The following CNIH3 variants were observed in gnomAD, a reference collection of about 807,000 sequenced individuals.
CNIH3 encodes the protein cornichon family AMPA receptor auxiliary protein 3, also known as protein cornichon homolog 3.
In CNIH3, 14 loss-of-function variants were observed where a neutral mutation model predicts 24.1. The ratio of observed to expected loss-of-function variants is 0.58; its 90% CI spans 0.38 to 0.91. CNIH3 has a LOEUF of 0.91. Ranked by LOEUF, CNIH3 falls within the 40% of genes least tolerant of loss-of-function variation. The pLI, the probability that CNIH3 is intolerant of heterozygous loss-of-function variation, is 0.00. For missense variants in CNIH3, 178 were observed against 196.8 expected (o/e 0.90, Z 0.57); for synonymous variants, 68 against 73.8 (o/e 0.92, Z 0.40).
At position 224,578,042 on chromosome 1, in the gene CNIH3, TAAA is replaced by T. The variant is rs1313355985; in HGVS notation, n.517-5118_517-5116del. Among the ~76,000 whole-genome samples, 4 of 151,984 alleles carry T rather than the reference TAAA, an allele frequency of 2.6e-5. No homozygotes were observed. In the South Asian group the frequency reaches 8.3e-4, roughly 32 times the overall value. On this transcript the variant is annotated intron_variant and non_coding_transcript_variant, in intron 4 of 5. Transcript: ENST00000471578. ...GGAAGGGTGGGAGGGAGGCAAAGGA[TAAA>T]AAACTGCATATTGGGTACAGTGTAC...
At chr1:224,673,418 G>T (rs1035725153) in intron 1 of CNIH3, among the ~76,000 whole-genome samples, 1 of 152,232 alleles carries the variant, frequency 6.6e-6, no homozygotes, top group Middle Eastern at 3.4e-3. Context: ...GGCTTCCCCT[G>T]TGCAGGCCTT....
At chr1:224,645,533 C>T (rs780567902) in intron 1 of CNIH3, among the ~76,000 whole-genome samples, 2 of 152,358 alleles carry the variant, frequency 1.3e-5, no homozygotes, top group Non-Finnish European at 2.9e-5. Context: ...CTCCCCATCA[C>T]GTGGTGACAC....
At chr1:224,699,251 C>A (rs541063059) in intron 3 of CNIH3, among the ~76,000 whole-genome samples, 1 of 152,324 alleles carries the variant, frequency 6.6e-6, no homozygotes, top group South Asian at 2.1e-4. Context: ...CTGATTCTCA[C>A]CCTCCAAGTC....
intron 2 of CNIH3, among the ~76,000 whole-genome samples, chr1:224,682,267 C>G (rs990846238): frequency 6.6e-6 from 1 of 152,154 alleles, no homozygotes; most frequent in South Asian, 2.1e-4. Context: ...ATGAGACAGG[C>G]ATCATTAACC....
intron 5 of CNIH3, among the ~76,000 whole-genome samples, chr1:224,737,857 C>A (rs1408388568): frequency 6.6e-6 from 1 of 152,172 alleles, no homozygotes; most frequent in Non-Finnish European, 1.5e-5. Flanking sequence ...CCTTGTGGAC[C>A]AGGTGATATT....
At chr1:224,442,788 C>G (rs1674975476) in intron 1 of CNIH3, among the ~76,000 whole-genome samples, 3 of 152,198 alleles carry the variant, frequency 2.0e-5, no homozygotes, top group Admixed American at 6.5e-5. Context: ...TTCTCAACAC[C>G]TTCATTACAT....
In CNIH3 at chr1:224,544,008, C is replaced by T. The variant is rs531330988; in HGVS notation, n.340-2821C>T. On this transcript the variant is annotated intron_variant and non_coding_transcript_variant, in intron 2 of 5. Coordinates refer to the CNIH3 transcript ENST00000471578. ...GGTCTGTTCATTATAATTCTGCAAC[C>T]TACAGGATCAGATTCTAGGTCTGTC... is the stretch of plus-strand genomic sequence containing the variant. Among the ~76,000 whole-genome samples the T allele has an allele frequency of 2.6e-5, 4 of 152,204 alleles. No individual in the cohort carries two copies. The East Asian group carries it at 7.7e-4, about 29-fold the overall frequency.
chr1:224,492,300 C>T (rs906109401), intron 1 of CNIH3, among the ~76,000 whole-genome samples: 12 of 152,222 alleles, frequency 7.9e-5, no homozygotes, highest in African/African-American at 2.9e-4. Flanking sequence ...CGACACATTA[C>T]TGTGTGTAGG....
At chr1:224,620,199 T>G (rs920870757) in intron 1 of CNIH3, among the ~76,000 whole-genome samples, 2 of 152,270 alleles carry the variant, frequency 1.3e-5, no homozygotes, top group African/African-American at 4.8e-5. Context: ...GTTTTTTCTG[T>G]GGCTTTGCAT....
chr1:224,574,709 C>G, intron 4 of CNIH3: 1 of 1,197,130 alleles, frequency 8.4e-7, no homozygotes, highest in South Asian at 1.2e-5. Context: ...TGAAAGGAGC[C>G]TGCCAGAAGA....
chr1:224,683,562 T>G (rs1572716305), intron 2 of CNIH3, among the ~76,000 whole-genome samples: 1 of 152,214 alleles, frequency 6.6e-6, no homozygotes, highest in Non-Finnish European at 1.5e-5. Flanking sequence ...TAATTGCTGA[T>G]CCATATGATG....
chr1:224,523,132 G>A (rs1202252810), intron 2 of CNIH3, among the ~76,000 whole-genome samples: 4 of 152,060 alleles, frequency 2.6e-5, no homozygotes, highest in African/African-American at 9.7e-5. Flanking sequence ...CTAGCTACTT[G>A]GGAGGCTGAG....
At chr1:224,451,508 A>G (rs1447121135) in intron 1 of CNIH3, among the ~76,000 whole-genome samples, 1 of 152,194 alleles carries the variant, frequency 6.6e-6, no homozygotes, top group Non-Finnish European at 1.5e-5. Flanking sequence ...TGTCTAGACA[A>G]TGTAATAGAG....
At chr1:224,550,084 G>GATATTATAGAATGTC (rs1679854342) in intron 3 of CNIH3, among the ~76,000 whole-genome samples, 2 of 151,938 alleles carry the variant, frequency 1.3e-5, no homozygotes, top group African/African-American at 4.8e-5. Context: ...GTCACAGTGT[G>GATATTATAGAATGTC]ACAACTGTAG....
At chr1:224,538,462 T>C (rs963326597), downstream of CNIH3, among the ~76,000 whole-genome samples, 10 of 152,142 alleles carry the variant, frequency 6.6e-5, no homozygotes, top group African/African-American at 2.4e-4. Context: ...TCCTTTGATG[T>C]GGTCGTAGCA....
chr1:224,700,122 C>T (rs1687402708), intron 3 of CNIH3, among the ~76,000 whole-genome samples: 2 of 152,148 alleles, frequency 1.3e-5, no homozygotes, highest in African/African-American at 2.4e-5. Flanking sequence ...GTTCTCCTGT[C>T]CAGCTTGCCA....
intron 3 of CNIH3, among the ~76,000 whole-genome samples, chr1:224,708,427 A>T: frequency 6.6e-6 from 1 of 152,002 alleles, no homozygotes; most frequent in East Asian, 1.9e-4. Flanking sequence ...GGCCTTAGTA[A>T]CCCTTCATGC....
At chr1:224,493,261 T>C (rs1460599133) in intron 1 of CNIH3, among the ~76,000 whole-genome samples, 1 of 152,212 alleles carries the variant, frequency 6.6e-6, no homozygotes, top group Non-Finnish European at 1.5e-5. Context: ...TCGTGTAATA[T>C]ATATGCGGAA....
At chr1:224,616,292 C>G (rs1171727659), upstream of CNIH3, 3 of 211,094 alleles carry the variant, frequency 1.4e-5, no homozygotes, top group East Asian at 3.4e-4. Context: ...AGGAGGGAAT[C>G]CCGGGTCGCA....
Sources: gnomAD v4.1 joint callset for allele counts (sites outside exome capture counted in the v4.1 genomes callset) on GRCh38, gnomAD v4.1.1 for gene constraint, MANE v1.5 for transcripts, NCBI Gene and HGNC (gene_info 2026-07-23, HGNC 2026-07-21) for gene names.